The following PDZD2 variants were observed in gnomAD, a reference collection of about 807,000 sequenced individuals.
PDZD2 encodes the protein PDZ domain-containing protein 2.
A neutral mutation model predicts 220.7 loss-of-function variants in PDZD2; 90 were observed. That is an observed-to-expected ratio of 0.41 (90% confidence interval 0.34 to 0.49). PDZD2 has a LOEUF of 0.49. Among genes scored for constraint, PDZD2 ranks in the 20% least tolerant of loss-of-function variants. The probability of loss-of-function intolerance (pLI) is 0.28; values close to 1 mark genes in which losing one functional copy is unlikely to be tolerated. For missense variants in PDZD2, 3,174 were observed against 3,608.5 expected (o/e 0.88, Z 3.08); for synonymous variants, 1,375 against 1,450.5 (o/e 0.95, Z 1.18).
intron 1 of PDZD2, among the ~76,000 whole-genome samples, chr5:31,745,791 TC>T (rs1466642326): frequency 6.8e-6 from 1 of 148,048 alleles, no homozygotes; most frequent in Non-Finnish European, 1.5e-5. Context: ...GTAAGGTGTT[TC>T]CTAACTCATG....
At chr5:31,822,474 C>A in intron 2 of PDZD2, 1 of 441,610 alleles carries the variant, frequency 2.3e-6, no homozygotes, top group South Asian at 1.9e-5. Context: ...ATCAATAGGT[C>A]TTTTATTGCA....
chr5:31,676,293 A>G (rs1746413908), intron 1 of PDZD2, among the ~76,000 whole-genome samples: 1 of 152,212 alleles, frequency 6.6e-6, no homozygotes, highest in South Asian at 2.1e-4. Context: ...TCAAGCACTC[A>G]TAGGTCTTAA....
Position 31,905,249 on chromosome 5 carries a change from G to A in PDZD2, c.477-77906G>A, listed in dbSNP as rs545692480. Among the ~76,000 whole-genome samples, 5 of 152,314 alleles carry A rather than the reference G, an allele frequency of 3.3e-5. No homozygotes were observed. In the South Asian group the frequency reaches 1.0e-3, roughly 32 times the overall value. On this transcript the variant is annotated intron_variant, in intron 2 of 24. Transcript: ENST00000438447. The stretch of plus-strand genomic sequence containing the variant: ...ACCGCCCTCCTCAGCCTCCCAAAGT[G>A]CTGGGATTACAGGCGTGAGCCACCG...
At chr5:32,081,261 C>T (rs1218194003) in intron 19 of PDZD2, among the ~76,000 whole-genome samples, 1 of 152,052 alleles carries the variant, frequency 6.6e-6, no homozygotes, top group Non-Finnish European at 1.5e-5. Flanking sequence ...TCTGCCTTGC[C>T]CTCTCTGGAT....
intron 2 of PDZD2, among the ~76,000 whole-genome samples, chr5:31,835,617 CA>C (rs35183763): frequency 0.039 from 5,511 of 142,720 alleles, 311 homozygotes; most frequent in African/African-American, 0.12. Flanking sequence ...CACTCCATCT[CA>C]AAAAAAAAAA....
intron 20 of PDZD2, among the ~76,000 whole-genome samples, chr5:32,091,451 A>C (rs957554269): frequency 6.6e-6 from 1 of 151,422 alleles, no homozygotes; most frequent in Non-Finnish European, 1.5e-5. Context: ...CACCTGGCTA[A>C]TTTTTGTATT....
intron 1 of PDZD2, among the ~76,000 whole-genome samples, chr5:31,746,416 A>G (rs932291261): frequency 2.0e-5 from 3 of 152,200 alleles, no homozygotes. Context: ...AACAATGTCC[A>G]TCGTGGGTGC....
chr5:31,744,278 G>C (rs1037818238), intron 1 of PDZD2: 1 of 152,092 alleles, frequency 6.6e-6, no homozygotes, highest in Non-Finnish European at 1.5e-5. Context: ...CCTTGAAATT[G>C]GGCAGAGTTG....
At chr5:31,869,253 C>G (rs897404641) in intron 2 of PDZD2, among the ~76,000 whole-genome samples, 1 of 152,194 alleles carries the variant, frequency 6.6e-6, no homozygotes, top group Non-Finnish European at 1.5e-5. Flanking sequence ...CCTGTGCTGT[C>G]TGTAGGTAAA....
At chr5:32,009,910 G>A (rs1008064511) in intron 5 of PDZD2, among the ~76,000 whole-genome samples, 1 of 151,776 alleles carries the variant, frequency 6.6e-6, no homozygotes, top group Admixed American at 6.6e-5. Flanking sequence ...TGACCAACAC[G>A]GTGAAACCCC....
At chr5:31,684,162 A>T (rs1410340755) in intron 1 of PDZD2, among the ~76,000 whole-genome samples, 1 of 152,174 alleles carries the variant, frequency 6.6e-6, no homozygotes, top group Non-Finnish European at 1.5e-5. Context: ...GGTGAGCTCC[A>T]TCCTCCTGTA....
intron 1 of PDZD2, among the ~76,000 whole-genome samples, chr5:31,678,734 G>A (rs1322699633): frequency 6.6e-6 from 1 of 152,082 alleles, no homozygotes; most frequent in Non-Finnish European, 1.5e-5. Flanking sequence ...AGCCTCTCGA[G>A]TGTCTGGGAC....
chr5:32,109,600 G>A lies in PDZD2; in HGVS notation c.*1465G>A, dbSNP rs546500950. ...TGAGTCAAGGTAAAGGAGCAGAAAT[G>A]TAGTTACAAGCCAGGTCGTCTTCAG... On this transcript the variant is annotated 3_prime_UTR_variant, in exon 25 of 25. Transcript: ENST00000438447. The A allele has an allele frequency of 1.3e-5, 2 of 152,386 alleles. No individual in the cohort carries two copies. The highest frequency in any genetic ancestry group is 4.1e-4 in the South Asian group (2 of 4,822). The allele number at this position is 152,386 out of a possible 1,614,324, so 9.4% of individuals were successfully genotyped here.
chr5:31,891,912 TTC>T (rs1491186879), intron 2 of PDZD2, among the ~76,000 whole-genome samples: 1 of 116,426 alleles, frequency 8.6e-6, no homozygotes, highest in Non-Finnish European at 1.9e-5. Flanking sequence ...CAGTCATGCC[TTC>T]TTTTTTTTTG....
At chr5:31,855,191 GA>G (rs1758338758) in intron 2 of PDZD2, 8 of 843,888 alleles carry the variant, frequency 9.5e-6, no homozygotes, top group Non-Finnish European at 1.1e-5. Flanking sequence ...CTTCTCAGGC[GA>G]AAGCCTCAGG....
In PDZD2 at chr5:32,090,229, G is replaced by A; in HGVS notation, c.6781G>A (p.Ala2261Thr). Residue 2261 changes from alanine (A) to threonine (T), a missense_variant, in exon 20 of 25, where the codon GCA (alanine) becomes ACA (threonine). By Grantham distance (58) the Ala-to-Thr change is moderately conservative. This residue lies in a region of PDZD2 where 631 missense variants were observed against 789.9 expected (regional missense o/e 0.80). Coordinates refer to ENST00000438447, the MANE Select transcript of PDZD2 (RefSeq NM_178140.4). The surrounding 1 kb of genome is among the most constrained non-coding windows in gnomAD (Gnocchi z 4.3). ...VPVTSSVVPE[A>T]KASRGGLPSL... The stretch of plus-strand genomic sequence containing the variant: ...TGTGACAAGCAGTGTTGTCCCCGAG[G>A]CAAAGGCATCCAGAGGTGGTCTTCC... 1.9e-6 allele frequency: 3 copies of A among 1,614,170 alleles called. No individual in the cohort carries two copies. Among genetic ancestry groups the A allele is most frequent in the Non-Finnish European group, 2.5e-6 (3 of 1,180,032 alleles).
intron 2 of PDZD2, among the ~76,000 whole-genome samples, chr5:31,976,714 C>CTTTTTTTTTTTTTTTTTT (rs869280921): frequency 3.0e-5 from 3 of 99,714 alleles, no homozygotes; most frequent in Non-Finnish European, 3.9e-5. Context: ...TTTCTTCTTT[C>CTTTTTTTTTTTTTTTTTT]TTTTTTTTTT....
At chr5:31,925,344 A>G (rs1426766423) in intron 2 of PDZD2, among the ~76,000 whole-genome samples, 1 of 151,990 alleles carries the variant, frequency 6.6e-6, no homozygotes, top group Admixed American at 6.5e-5. Context: ...CACAAAGTTA[A>G]CAAAAAAAAA....
chr5:32,109,150 CAATG>C lies in PDZD2; in HGVS notation c.*1016_*1019del, dbSNP rs1745119447. ...TTCTAAGTGTCCTTGGATTTATAGA[CAATG>C]TATGTACAATCCAAATAGAGGAGCT... On this transcript the variant is annotated 3_prime_UTR_variant, in exon 25 of 25. Coordinates refer to ENST00000438447, the MANE Select transcript of PDZD2 (RefSeq NM_178140.4). 6.6e-6 allele frequency: 1 copy of C among 152,278 alleles called. No homozygotes were observed. The highest frequency in any genetic ancestry group is 2.4e-5 in the African/African-American group (1 of 41,434). 9.4% of individuals were successfully genotyped at this position (152,278 alleles called of 1,614,324 possible).
Sources: allele counts gnomAD v4.1 joint callset (sites outside exome capture counted in the v4.1 genomes callset), GRCh38; gene constraint gnomAD v4.1.1; regional missense constraint gnomAD v4.1.1; non-coding constraint Gnocchi (gnomAD v3.1); transcripts MANE v1.5; gene names NCBI Gene and HGNC (gene_info 2026-07-23, HGNC 2026-07-21).